CCDC178: variants seen among roughly 807,000 people sequenced by gnomAD.
The protein encoded by CCDC178 is coiled-coil domain containing 178, also known as coiled-coil domain-containing protein 178.
Under a neutral mutation model 117.4 loss-of-function variants are expected in CCDC178, and 126 were observed. That is an observed-to-expected ratio of 1.07 (90% CI 0.93 to 1.24). CCDC178 has a LOEUF of 1.24. Among genes scored for constraint, CCDC178 ranks in the 50% most tolerant of loss-of-function variants. The probability of loss-of-function intolerance (pLI) is 0.00; values close to 1 mark genes in which losing one functional copy is unlikely to be tolerated. For synonymous variants in CCDC178, 283 were observed against 313.4 expected (o/e 0.90, Z 1.02); for missense variants, 1,030 against 986.9 (o/e 1.04, Z -0.59).
chr18:33,423,914 T>C (rs1399161749), intron 2 of CCDC178, among the ~76,000 whole-genome samples: 1 of 152,204 alleles, frequency 6.6e-6, no homozygotes, highest in African/African-American at 2.4e-5. Context: ...ACCTAATACT[T>C]ATCTGTATTT....
chr18:33,344,384 G>A (rs549359430), intron 9 of CCDC178, among the ~76,000 whole-genome samples: 6 of 150,308 alleles, frequency 4.0e-5, no homozygotes, highest in Non-Finnish European at 8.9e-5. Context: ...GGCTACTTAC[G>A]TAAAATAACG....
intron 20 of CCDC178, among the ~76,000 whole-genome samples, chr18:33,157,301 T>C (rs752823638): frequency 9.2e-5 from 14 of 152,292 alleles, no homozygotes; most frequent in Non-Finnish European, 1.8e-4. Context: ...CTTAGTTTCC[T>C]AGATACAAGC....
intron 21 of CCDC178, among the ~76,000 whole-genome samples, chr18:33,058,682 T>C (rs1017988374): frequency 2.0e-5 from 3 of 152,166 alleles, no homozygotes; most frequent in African/African-American, 4.8e-5. Context: ...TAAGGCAGGA[T>C]GTCATGGGTT....
intron 21 of CCDC178, among the ~76,000 whole-genome samples, chr18:33,015,084 C>T (rs1223882954): frequency 1.3e-5 from 2 of 151,324 alleles, no homozygotes; most frequent in Non-Finnish European, 2.9e-5. Context: ...GGTGAAACCT[C>T]ATCTCTACCA....
intron 21 of CCDC178, among the ~76,000 whole-genome samples, chr18:33,068,003 C>T (rs1175073633): frequency 4.0e-5 from 6 of 151,260 alleles, no homozygotes. Flanking sequence ...ATTATGATAC[C>T]ACAGAAATAC....
At chr18:33,429,130 G>C (rs1032357422) in intron 2 of CCDC178, among the ~76,000 whole-genome samples, 5 of 151,716 alleles carry the variant, frequency 3.3e-5, no homozygotes, top group African/African-American at 1.2e-4. Context: ...AATATATAAA[G>C]CTTCTCCGCA....
chr18:33,188,299 C>G (rs943773900), intron 20 of CCDC178, among the ~76,000 whole-genome samples: 2 of 152,022 alleles, frequency 1.3e-5, no homozygotes, highest in Non-Finnish European at 2.9e-5. Context: ...TTAAAGATGT[C>G]CCTCTAAGAT....
intron 20 of CCDC178, among the ~76,000 whole-genome samples, chr18:33,198,296 C>G (rs550167353): frequency 2.6e-5 from 4 of 152,334 alleles, no homozygotes; most frequent in Admixed American, 6.5e-5. Flanking sequence ...ATCTCCCTAT[C>G]TCTACCTCTC....
intron 21 of CCDC178, among the ~76,000 whole-genome samples, chr18:33,084,053 A>G (rs1158150070): frequency 6.6e-6 from 1 of 152,170 alleles, no homozygotes; most frequent in Non-Finnish European, 1.5e-5. Flanking sequence ...ACATTTTTAT[A>G]CAATAAATTG....
At chr18:33,306,181 G>A (rs1006872432) in intron 11 of CCDC178, among the ~76,000 whole-genome samples, 1 of 109,362 alleles carries the variant, frequency 9.1e-6, no homozygotes, top group Non-Finnish European at 1.9e-5. Context: ...TGAAATTGAT[G>A]AATAAAAGGT....
intron 12 of CCDC178, among the ~76,000 whole-genome samples, chr18:33,272,011 C>T (rs1448434341): frequency 6.6e-6 from 1 of 151,298 alleles, no homozygotes; most frequent in East Asian, 1.9e-4. Context: ...AGAAAAAGAG[C>T]TAACTAAACC....
At chr18:33,191,461 G>T (rs564420072) in intron 20 of CCDC178, among the ~76,000 whole-genome samples, 3 of 152,132 alleles carry the variant, frequency 2.0e-5, no homozygotes, top group African/African-American at 7.2e-5. Flanking sequence ...AGAATAATTT[G>T]CTGCCTATTT....
chr18:33,325,849 T>C (rs954104860), intron 10 of CCDC178, among the ~76,000 whole-genome samples: 5 of 152,232 alleles, frequency 3.3e-5, no homozygotes, highest in Non-Finnish European at 5.9e-5. Context: ...GTACAACTTA[T>C]ATAGTATAGA....
intron 21 of CCDC178, among the ~76,000 whole-genome samples, chr18:33,062,303 T>A (rs1329902114): frequency 6.6e-6 from 1 of 152,194 alleles, no homozygotes; most frequent in African/African-American, 2.4e-5. Context: ...TGACCATGTA[T>A]TGGAAGTCCA....
chr18:33,438,040 G>C (rs1388283603), intron 2 of CCDC178, among the ~76,000 whole-genome samples: 1 of 151,954 alleles, frequency 6.6e-6, no homozygotes, highest in Non-Finnish European at 1.5e-5. Context: ...AAATATAAAG[G>C]GACTATGGCC....
intron 5 of CCDC178, among the ~76,000 whole-genome samples, chr18:33,371,675 T>G (rs1168987153): frequency 6.6e-6 from 1 of 151,974 alleles, no homozygotes; most frequent in African/African-American, 2.4e-5. Flanking sequence ...TCAGTGCTGG[T>G]ATCCTATGTC....
chr18:33,051,705 A>T (rs1434551479), intron 21 of CCDC178, among the ~76,000 whole-genome samples: 2 of 152,176 alleles, frequency 1.3e-5, no homozygotes. Context: ...AGCCAGAAAG[A>T]TTTTTGCTCA....
intron 12 of CCDC178, among the ~76,000 whole-genome samples, chr18:33,287,166 A>T (rs1389620518): frequency 4.6e-4 from 3 of 6,512 alleles, no homozygotes; most frequent in Non-Finnish European, 2.6e-3. Flanking sequence ...CTTGAAATTA[A>T]AAAAAAAATC....
chr18:33,292,532 A>G (rs552030769), intron 12 of CCDC178, among the ~76,000 whole-genome samples: 3 of 152,138 alleles, frequency 2.0e-5, no homozygotes, highest in African/African-American at 7.2e-5. Context: ...TCTAGTTAAT[A>G]ATAATTCATT....
Sources: gnomAD v4.1 joint callset for allele counts (sites outside exome capture counted in the v4.1 genomes callset) on GRCh38, gnomAD v4.1.1 for gene constraint, MANE v1.5 for transcripts, NCBI Gene and HGNC (gene_info 2026-07-23, HGNC 2026-07-21) for gene names.